The following SLC4A5 variants were observed in gnomAD, a reference collection of about 807,000 sequenced individuals.
SLC4A5 encodes the protein electrogenic sodium bicarbonate cotransporter 4.
Under a neutral mutation model 120.4 loss-of-function variants are expected in SLC4A5, and 96 were observed. The ratio of observed to expected loss-of-function variants is 0.80; its 90% CI spans 0.68 to 0.94. The LOEUF (loss-of-function observed/expected upper bound fraction) is 0.94. Ranked by LOEUF, SLC4A5 falls within the 40% of genes least tolerant of loss-of-function variation. The pLI, the probability that SLC4A5 is intolerant of heterozygous loss-of-function variation, is 0.00. For synonymous variants in SLC4A5, 550 were observed against 571.1 expected, an observed-to-expected ratio of 0.96 and a Z score of 0.53; for missense variants, 1,259 against 1,459.5, an observed-to-expected ratio of 0.86 and a Z score of 2.24.
In SLC4A5 at chr2:74,241,249, ATAT is replaced by A. The variant is rs145522219; in HGVS notation, c.2118+742_2118+744del. 1.2e-3 allele frequency among the ~76,000 whole-genome samples: 170 copies of A among 140,756 alleles called. 2 individuals are homozygous for A. Among genetic ancestry groups the A allele is most frequent in the South Asian group, 5.8e-3 (25 of 4,332 alleles). 92.3% of individuals were successfully genotyped at this position (140,756 alleles called of 152,430 possible). A position where few individuals can be genotyped will look rare whatever the true frequency, so the allele number is the denominator to read the frequency against. Reference sequence around the variant, plus strand: ...CTTCCCCTTCCTTTGTGTGCGTGTCATATTATTATTATTATTATTATTATTATT... The same window carrying A: ...CTTCCCCTTCCTTTGTGTGCGTGTCATATTATTATTATTATTATTATTATT... On this transcript the variant is annotated intron_variant, in intron 20 of 30. Transcript: ENST00000394019.
At chr2:74,313,384 G>A (rs1017814068) in intron 6 of SLC4A5, among the ~76,000 whole-genome samples, 2 of 152,184 alleles carry the variant, frequency 1.3e-5, no homozygotes, top group African/African-American at 4.8e-5. Flanking sequence ...GCCTTTTAGA[G>A]AGAAGTTGAA....
chr2:74,240,667 G>A (rs1670411100), intron 20 of SLC4A5, among the ~76,000 whole-genome samples: 1 of 152,062 alleles, frequency 6.6e-6, no homozygotes, highest in Admixed American at 6.5e-5. Context: ...TACTCGAGAG[G>A]CTGAGGCAGG....
rs1672921332 is a variant in SLC4A5 at position 74,315,040 on chromosome 2, GAACACAGCC to G, written c.-2-24_-2-16del. The stretch of plus-strand genomic sequence containing the variant: ...CACCTTCATGACTATAAAGTAAAAG[GAACACAGCC>G]TCAAAATGTATACATTAAAAAGGGT... On this transcript the variant is annotated splice_polypyrimidine_tract_variant and intron_variant, in intron 5 of 30. Coordinates refer to ENST00000394019, the Ensembl canonical transcript of SLC4A5. The G allele has an allele frequency of 6.2e-7, 1 of 1,603,698 alleles. No homozygotes were observed. The highest frequency in any genetic ancestry group is 2.2e-5 in the East Asian group (1 of 44,828).
chr2:74,321,974 G>C (rs1673110735), intron 5 of SLC4A5, among the ~76,000 whole-genome samples: 1 of 151,972 alleles, frequency 6.6e-6, no homozygotes, highest in African/African-American at 2.4e-5. Flanking sequence ...AATTGAAAGT[G>C]ACACAGTTGG....
intron 7 of SLC4A5, among the ~76,000 whole-genome samples, chr2:74,292,036 C>T (rs1672187895): frequency 2.0e-5 from 3 of 152,184 alleles, no homozygotes; most frequent in Admixed American, 2.0e-4. Flanking sequence ...TCTGCTATTA[C>T]TAGCAGTAGG....
chr2:74,294,501 G>A (rs1302206036), intron 7 of SLC4A5, among the ~76,000 whole-genome samples: 1 of 152,148 alleles, frequency 6.6e-6, no homozygotes, highest in Non-Finnish European at 1.5e-5. Context: ...TAATGAAGAA[G>A]CTGTCATTTA....
chr2:74,265,161 G>A, exon 9 of SLC4A5: 1 of 1,614,260 alleles, frequency 6.2e-7, no homozygotes, highest in Non-Finnish European at 8.5e-7. Context: ...CCCGTCTGCA[G>A]GCAGGTACGG....
chr2:74,249,662 G>C (rs887545549), intron 17 of SLC4A5, among the ~76,000 whole-genome samples: 1 of 152,306 alleles, frequency 6.6e-6, no homozygotes, highest in East Asian at 1.9e-4. Context: ...GGGAAGGGCA[G>C]GGAGCAGCAC....
At chr2:74,234,090 A>C (rs1670188575) in intron 22 of SLC4A5, among the ~76,000 whole-genome samples, 2 of 151,916 alleles carry the variant, frequency 1.3e-5, no homozygotes, top group African/African-American at 4.8e-5. Context: ...AACAAAAAAA[A>C]CCTTAAAGAC....
intron 8 of SLC4A5, among the ~76,000 whole-genome samples, chr2:74,279,633 G>A (rs1237467266): frequency 6.6e-6 from 1 of 151,872 alleles, no homozygotes; most frequent in African/African-American, 2.4e-5. Flanking sequence ...CTCCAGACAC[G>A]GTGGCCACAT....
chr2:74,287,785 A>G (rs1277836870), intron 7 of SLC4A5, among the ~76,000 whole-genome samples: 1 of 152,070 alleles, frequency 6.6e-6, no homozygotes, highest in African/African-American at 2.4e-5. Flanking sequence ...TTATTTCATC[A>G]GCTAGTCTTT....
intron 6 of SLC4A5, among the ~76,000 whole-genome samples, chr2:74,309,600 G>T (rs2104279986): frequency 6.6e-6 from 1 of 151,952 alleles, no homozygotes; most frequent in East Asian, 1.9e-4. Flanking sequence ...TGCATCTATA[G>T]ATCAAGTTGG....
At chr2:74,314,004 A>T (rs890884148) in intron 6 of SLC4A5, among the ~76,000 whole-genome samples, 2 of 152,194 alleles carry the variant, frequency 1.3e-5, no homozygotes, top group Non-Finnish European at 2.9e-5. Flanking sequence ...TTTCTCTACC[A>T]AACTGGCTTC....
At chr2:74,278,313 C>T (rs942046050) in intron 8 of SLC4A5, among the ~76,000 whole-genome samples, 1 of 152,164 alleles carries the variant, frequency 6.6e-6, no homozygotes, top group African/African-American at 2.4e-5. Flanking sequence ...CTTAATTAGC[C>T]TTCCAATCTC....
intron 5 of SLC4A5, among the ~76,000 whole-genome samples, chr2:74,316,085 T>C (rs775957336): frequency 9.9e-5 from 15 of 151,932 alleles, no homozygotes; most frequent in Non-Finnish European, 2.2e-4. Context: ...AGAGCTTAAA[T>C]GACTACCCAC....
intron 5 of SLC4A5, among the ~76,000 whole-genome samples, chr2:74,319,002 AT>A (rs1212658832): frequency 6.6e-6 from 1 of 152,198 alleles, no homozygotes; most frequent in East Asian, 1.9e-4. Flanking sequence ...TATACATTAC[AT>A]TATATATATA....
chr2:74,332,116 A>G (rs1288072989), intron 4 of SLC4A5, among the ~76,000 whole-genome samples: 2 of 152,212 alleles, frequency 1.3e-5, no homozygotes, highest in Admixed American at 1.3e-4. Context: ...AATTTATTTT[A>G]GTTCCAGCTG....
chr2:74,260,070 TGA>T (rs1265305658), intron 11 of SLC4A5, among the ~76,000 whole-genome samples: 1 of 152,164 alleles, frequency 6.6e-6, no homozygotes, highest in Non-Finnish European at 1.5e-5. Context: ...CCATGACCGG[TGA>T]GAGTCTTCAA....
exon 23 of SLC4A5, chr2:74,233,552 A>G: frequency 6.2e-7 from 1 of 1,612,878 alleles, no homozygotes; most frequent in Non-Finnish European, 8.5e-7. Context: ...AGCCTCGGTC[A>G]GGCCGCGTTG....
Sources: allele counts gnomAD v4.1 joint callset (sites outside exome capture counted in the v4.1 genomes callset), GRCh38; gene constraint gnomAD v4.1.1; transcripts MANE v1.5; gene names NCBI Gene and HGNC (gene_info 2026-07-23, HGNC 2026-07-21).